The following TNFSF4 variants were observed in gnomAD, a reference collection of about 807,000 sequenced individuals.
TNFSF4 encodes the protein TNF superfamily member 4.
TNFSF4 carries 4 observed loss-of-function variants against 7.3 expected under a neutral mutation model. The observed-to-expected ratio is 0.55, with a 90% CI of 0.27 to 1.25. The LOEUF is 1.25. TNFSF4 is among the 50% of genes most tolerant of loss of function. The pLI is 0.12. For missense variants in TNFSF4, 181 were observed against 208.8 expected (o/e 0.87, Z 0.82); for synonymous variants, 76 against 83.7 (o/e 0.91, Z 0.50).
At chr1:173,224,344 A>ATAC in the TNFSF4 span, among the ~76,000 whole-genome samples, 1 of 152,232 alleles carries the variant, frequency 6.6e-6, no homozygotes, top group Non-Finnish European at 1.5e-5. Flanking sequence ...CCTGTGTGGA[A>ATAC]TACTGTATAT....
chr1:173,395,779 C>T, the TNFSF4 span, among the ~76,000 whole-genome samples: 5 of 152,004 alleles, frequency 3.3e-5, no homozygotes, highest in African/African-American at 9.7e-5. Flanking sequence ...GGTGAGAAAA[C>T]TTTGATGATG....
chr1:173,399,395 T>C, the TNFSF4 span, among the ~76,000 whole-genome samples: 18 of 152,152 alleles, frequency 1.2e-4, no homozygotes, highest in African/African-American at 3.4e-4. Context: ...TGAAGGATAC[T>C]GGTGAAGGGA....
the TNFSF4 span, among the ~76,000 whole-genome samples, chr1:173,413,328 T>C: frequency 6.6e-6 from 1 of 152,308 alleles, no homozygotes; most frequent in African/African-American, 2.4e-5. Context: ...ATGTGGGGGT[T>C]CTGAAAGGTT....
At chr1:173,198,518 T>C (rs1649804239) in intron 1 of TNFSF4, among the ~76,000 whole-genome samples, 1 of 152,164 alleles carries the variant, frequency 6.6e-6, no homozygotes, top group Non-Finnish European at 1.5e-5. Flanking sequence ...ACTAAGATTA[T>C]TCCTGTACTA....
the TNFSF4 span, among the ~76,000 whole-genome samples, chr1:173,338,771 G>T: frequency 6.6e-6 from 1 of 152,228 alleles, no homozygotes; most frequent in Admixed American, 6.5e-5. Flanking sequence ...TTAGTTGCAG[G>T]GGGTGGAATG....
the TNFSF4 span, among the ~76,000 whole-genome samples, chr1:173,375,595 T>G: frequency 6.6e-6 from 1 of 151,878 alleles, no homozygotes; most frequent in Non-Finnish European, 1.5e-5. Context: ...CAATCAGCAC[T>G]CTGTAAAATG....
chr1:173,386,845 A>T, the TNFSF4 span, among the ~76,000 whole-genome samples: 11 of 152,322 alleles, frequency 7.2e-5, no homozygotes, highest in South Asian at 1.2e-3. Flanking sequence ...AAGCCTCAAG[A>T]TTTAATGTTG....
At position 173,186,165 on chromosome 1, in the gene TNFSF4, A is replaced by G. The variant is rs1240191691; in HGVS notation, c.*351T>C. ...CAAATGGTAGTCAGGTACCGTTTTC[A>G]ATGACATAAGTTTATTATGACAATT... On this transcript the variant is annotated 3_prime_UTR_variant, in exon 3 of 3. Transcript: ENST00000281834. 5.2e-6 allele frequency: 1 copy of G among 190,974 alleles called. No individual in the cohort carries two copies. The highest frequency in any genetic ancestry group is 2.3e-5 in the African/African-American group (1 of 42,696). The allele number at this position is 190,974 out of a possible 1,614,324, so 11.8% of individuals were successfully genotyped here.
At position 173,184,051 on chromosome 1, in the gene TNFSF4, A is replaced by G. The variant is rs961217457; in HGVS notation, c.*2465T>C. On this transcript the variant is annotated 3_prime_UTR_variant, in exon 3 of 3. Coordinates refer to ENST00000281834, the MANE Select transcript of TNFSF4 (RefSeq NM_003326.5). ...ATTCAACATAGTAAAGGAGAAGGTT[A>G]CACTCCTTGACTCATAGCAACAAGA... 6.6e-6 allele frequency: 1 copy of G among 152,222 alleles called. No individual in the cohort carries two copies. Among genetic ancestry groups the G allele is most frequent in the East Asian group, 1.9e-4 (1 of 5,192 alleles). 9.4% of individuals were successfully genotyped at this position (152,222 alleles called of 1,614,324 possible). A position where few individuals can be genotyped will look rare whatever the true frequency, so the allele number is the denominator to read the frequency against.
At chr1:173,236,593 A>G in the TNFSF4 span, among the ~76,000 whole-genome samples, 8 of 152,204 alleles carry the variant, frequency 5.3e-5, no homozygotes, top group Admixed American at 3.3e-4. Context: ...CTAGGTCTCC[A>G]ACAGCAGATG....
intron 1 of TNFSF4, among the ~76,000 whole-genome samples, chr1:173,196,658 TC>T (rs1649713787): frequency 6.6e-6 from 1 of 152,322 alleles, no homozygotes. Flanking sequence ...AAGAGAAATG[TC>T]CTATATTTAG....
intron 1 of TNFSF4, among the ~76,000 whole-genome samples, chr1:173,189,578 T>C (rs1649386292): frequency 6.6e-6 from 1 of 152,182 alleles, no homozygotes; most frequent in African/African-American, 2.4e-5. Flanking sequence ...ATAAAACTTT[T>C]ACAGTACTTT....
chr1:173,434,947 T>C, the TNFSF4 span, among the ~76,000 whole-genome samples: 1 of 152,194 alleles, frequency 6.6e-6, no homozygotes, highest in Non-Finnish European at 1.5e-5. Flanking sequence ...CCAAATGGCC[T>C]AGGATTCATC....
chr1:173,335,248 G>C, the TNFSF4 span, among the ~76,000 whole-genome samples: 1 of 152,078 alleles, frequency 6.6e-6, no homozygotes, highest in Non-Finnish European at 1.5e-5. Context: ...AAAGGTTTAA[G>C]GAGATTGGAA....
At chr1:173,230,794 T>TA in the TNFSF4 span, among the ~76,000 whole-genome samples, 1 of 152,090 alleles carries the variant, frequency 6.6e-6, no homozygotes, top group Admixed American at 6.5e-5. Context: ...GAGAATACTA[T>TA]AAAATACCTA....
the TNFSF4 span, among the ~76,000 whole-genome samples, chr1:173,340,772 CT>C: frequency 6.6e-6 from 1 of 151,704 alleles, no homozygotes. Context: ...GATGGGTAGG[CT>C]TTCCCTCTCC....
chr1:173,375,401 G>T, the TNFSF4 span, among the ~76,000 whole-genome samples: 2 of 152,202 alleles, frequency 1.3e-5, no homozygotes, highest in African/African-American at 4.8e-5. Context: ...AGCAGTTGGG[G>T]TGTCCTGTTT....
the TNFSF4 span, among the ~76,000 whole-genome samples, chr1:173,276,819 G>C: frequency 6.6e-6 from 1 of 152,262 alleles, no homozygotes; most frequent in Non-Finnish European, 1.5e-5. Context: ...TTCAACCCAA[G>C]AACCAGGCTC....
At chr1:173,369,958 T>C in the TNFSF4 span, among the ~76,000 whole-genome samples, 2 of 152,092 alleles carry the variant, frequency 1.3e-5, no homozygotes, top group Non-Finnish European at 2.9e-5. Context: ...CTATTAATGA[T>C]GAGCCTCCTC....
Sources: gnomAD v4.1 joint callset for allele counts (sites outside exome capture counted in the v4.1 genomes callset) on GRCh38, gnomAD v4.1.1 for gene constraint, MANE v1.5 for transcripts, NCBI Gene and HGNC (gene_info 2026-07-23, HGNC 2026-07-21) for gene names.